Variants in HDAC9 observed in about 807,000 individuals in gnomAD.
HDAC9 encodes the protein MEF-2 interacting transcription repressor (MITR) protein.
A neutral mutation model predicts 139.4 loss-of-function variants in HDAC9; 41 were observed. That is an observed-to-expected ratio of 0.29 (90% CI 0.23 to 0.38). The LOEUF (loss-of-function observed/expected upper bound fraction) is 0.38. HDAC9 is among the 10% of genes least tolerant of loss of function. HDAC9 has a pLI of 1.00. For synonymous variants in HDAC9, 517 were observed against 476.2 expected, an observed-to-expected ratio of 1.09 and a Z score of -1.12; for missense variants, 1,147 against 1,297.0, an observed-to-expected ratio of 0.88 and a Z score of 1.78.
intron 1 of HDAC9, among the ~76,000 whole-genome samples, chr7:18,375,200 C>T (rs186009215): frequency 7.2e-5 from 11 of 152,240 alleles, no homozygotes; most frequent in East Asian, 1.9e-4. Flanking sequence ...CTGGGTGAGG[C>T]GGCTCACGCC....
intron 6 of HDAC9, among the ~76,000 whole-genome samples, chr7:18,619,629 A>G (rs1345758713): frequency 6.6e-6 from 1 of 152,188 alleles, no homozygotes; most frequent in Non-Finnish European, 1.5e-5. Context: ...AATGGGAAAT[A>G]TTTGAGCCTG....
intron 22 of HDAC9, among the ~76,000 whole-genome samples, chr7:18,879,311 T>C (rs1374455707): frequency 6.6e-6 from 1 of 152,058 alleles, no homozygotes; most frequent in Admixed American, 6.6e-5. Flanking sequence ...AGAAAACTAT[T>C]TTAAAATCCA....
chr7:18,515,094 G>T (rs1802745228), intron 2 of HDAC9, among the ~76,000 whole-genome samples: 2 of 152,142 alleles, frequency 1.3e-5, no homozygotes, highest in African/African-American at 4.8e-5. Flanking sequence ...TTTAAAAACA[G>T]AAAGAGAGAT....
chr7:18,284,752 G>A (rs570741582), intron 2 of HDAC9, among the ~76,000 whole-genome samples: 98 of 152,148 alleles, frequency 6.4e-4, no homozygotes, highest in African/African-American at 2.3e-3. Flanking sequence ...CCAGTGCTTG[G>A]TTTTATAGGG....
intron 1 of HDAC9, among the ~76,000 whole-genome samples, chr7:18,477,268 A>T (rs1369140567): frequency 1.3e-5 from 2 of 152,162 alleles, no homozygotes; most frequent in African/African-American, 4.8e-5. Context: ...CTCCCCCAAA[A>T]CATGAATATT....
chr7:18,604,695 G>T (rs145044354), intron 6 of HDAC9, among the ~76,000 whole-genome samples: 2 of 152,024 alleles, frequency 1.3e-5, no homozygotes, highest in African/African-American at 2.4e-5. Context: ...CACCGCGCCC[G>T]GATAAGACCT....
chr7:18,746,425 A>G (rs1787982350), intron 13 of HDAC9, among the ~76,000 whole-genome samples: 1 of 152,128 alleles, frequency 6.6e-6, no homozygotes, highest in Non-Finnish European at 1.5e-5. Context: ...TTCTGACTTT[A>G]TTTAAAAATA....
At chr7:18,647,731 C>G (rs1787897028) in intron 9 of HDAC9, 54 bp from the exon 10 acceptor site, 1 of 1,426,306 alleles carries the variant, frequency 7.0e-7, no homozygotes, top group Non-Finnish European at 9.5e-7. Context: ...TTTAGAGACC[C>G]AGTGACCCAC....
chr7:18,875,068 T>C (rs1199125540), intron 22 of HDAC9, among the ~76,000 whole-genome samples: 2 of 152,198 alleles, frequency 1.3e-5, no homozygotes, highest in East Asian at 1.9e-4. Context: ...TATGTGTCTA[T>C]GGGCAACCCT....
At chr7:18,464,594 A>G (rs145166027) in intron 1 of HDAC9, among the ~76,000 whole-genome samples, 1 of 152,132 alleles carries the variant, frequency 6.6e-6, no homozygotes. Flanking sequence ...TGTGAGGCCT[A>G]GTATGTTGTT....
intron 1 of HDAC9, among the ~76,000 whole-genome samples, chr7:18,336,814 G>A (rs1781620662): frequency 6.6e-6 from 1 of 151,502 alleles, no homozygotes; most frequent in Admixed American, 6.6e-5. Context: ...GTCATACCAT[G>A]TACTGTCATT....
intron 6 of HDAC9, among the ~76,000 whole-genome samples, chr7:18,598,490 G>A (rs79458203): frequency 6.7e-4 from 102 of 152,156 alleles, no homozygotes; most frequent in African/African-American, 2.0e-3. Flanking sequence ...AATCTTGAGC[G>A]ATTAATTTAA....
At position 18,935,356 on chromosome 7, in the gene HDAC9, T is replaced by A. The variant is rs143034510; in HGVS notation, c.2804-453T>A. Among the ~76,000 whole-genome samples the A allele has an allele frequency of 4.4e-3, 668 of 152,298 alleles. 3 individuals carry two copies. Among genetic ancestry groups the A allele is most frequent in the African/African-American group, 0.015 (634 of 41,554 alleles). On this transcript the variant is annotated intron_variant, in intron 22 of 25. Coordinates refer to ENST00000686413, the MANE Select transcript of HDAC9 (RefSeq NM_178425.4). Reference sequence around the variant, plus strand: ...TTTACATTACATTAGATAATGTAAATATTATATTAGATAATGTAAATTTGT... The same window carrying A: ...TTTACATTACATTAGATAATGTAAAAATTATATTAGATAATGTAAATTTGT...
At chr7:18,284,222 A>G (rs967669752) in intron 2 of HDAC9, among the ~76,000 whole-genome samples, 1 of 152,112 alleles carries the variant, frequency 6.6e-6, no homozygotes, top group Non-Finnish European at 1.5e-5. Flanking sequence ...GTGTGACTTT[A>G]CCTTTAAAGT....
rs189669782 is a variant in HDAC9 at position 18,873,145 on chromosome 7, G to A, written c.2685-1333G>A. Among the ~76,000 whole-genome samples the A allele has an allele frequency of 1.7e-4, 26 of 152,162 alleles. No homozygotes were observed. In the East Asian group the frequency reaches 2.9e-3, roughly 17 times the overall value. Reference sequence around the variant, plus strand: ...GTAAGGTTTGTAATTACTGGGATGGGGAAGAATCCAGTATATCTCCTGATA... The same window carrying A: ...GTAAGGTTTGTAATTACTGGGATGGAGAAGAATCCAGTATATCTCCTGATA... On this transcript the variant is annotated intron_variant, in intron 21 of 25. Coordinates refer to ENST00000686413, the MANE Select transcript of HDAC9 (RefSeq NM_178425.4).
intron 2 of HDAC9, among the ~76,000 whole-genome samples, chr7:18,177,480 T>A (rs990908331): frequency 6.6e-6 from 1 of 152,198 alleles, no homozygotes; most frequent in African/African-American, 2.4e-5. Flanking sequence ...CCCCACTCTG[T>A]TCAACATGTA....
At chr7:18,945,820 C>CCT (rs1563077004) in intron 23 of HDAC9, among the ~76,000 whole-genome samples, 2 of 151,660 alleles carry the variant, frequency 1.3e-5, no homozygotes, top group Non-Finnish European at 1.5e-5. Context: ...GGGCGAATCA[C>CCT]GAGGTCAGAA....
chr7:18,613,116 GTATAA>G (rs936544612), intron 6 of HDAC9, among the ~76,000 whole-genome samples: 10 of 147,552 alleles, frequency 6.8e-5, no homozygotes, highest in Admixed American at 5.4e-4. Flanking sequence ...ATATATATAA[GTATAA>G]TATAATAGAT....
At chr7:18,464,274 T>G (rs1166357010) in intron 1 of HDAC9, among the ~76,000 whole-genome samples, 2 of 151,982 alleles carry the variant, frequency 1.3e-5, no homozygotes, top group Non-Finnish European at 2.9e-5. Context: ...AATACTTGTC[T>G]TCTAAAATTG....
Sources: allele counts gnomAD v4.1 joint callset (sites outside exome capture counted in the v4.1 genomes callset), GRCh38; gene constraint gnomAD v4.1.1; transcripts MANE v1.5; gene names NCBI Gene and HGNC (gene_info 2026-07-23, HGNC 2026-07-21).